SLC7A13: variants seen among roughly 807,000 people sequenced by gnomAD.
SLC7A13 encodes the protein X-amino acid transporter 2.
A neutral mutation model predicts 32.0 loss-of-function variants in SLC7A13; 31 were observed. That is an observed-to-expected ratio of 0.97 (90% confidence interval 0.73 to 1.31). SLC7A13 has a LOEUF of 1.31. Among genes scored for constraint, SLC7A13 ranks in the 50% most tolerant of loss-of-function variants. SLC7A13 has a pLI of 0.00. For missense variants in SLC7A13, 633 were observed against 546.9 expected (o/e 1.16, Z -1.57); for synonymous variants, 232 against 206.9 (o/e 1.12, Z -1.04).
rs1820330236 is a variant in SLC7A13, at chr8:86,223,014, A to G, written c.775T>C (p.Ser259Pro). The change falls in exon 2 of 4, where the codon TCC becomes CCC. Residue 259 changes from serine (S) to proline (P), a missense_variant. Transcript: ENST00000297524. ...CTGGGTGTCAGAACAGTCAGATAGG[A>G]AATGTTAACCAGTAAATAAACTACA... The part of the protein sequence containing the change: ...VTVVYLLVNI[S>P]YLTVLTPREI... 6.2e-7 allele frequency: 1 copy of G among 1,609,084 alleles called. No individual in the cohort carries two copies. Among genetic ancestry groups the G allele is most frequent in the Admixed American group, 1.7e-5 (1 of 59,330 alleles).
At position 86,230,173 on chromosome 8, in the gene SLC7A13, G is replaced by A. The variant is rs1820460871; in HGVS notation, c.105C>T (p.Pro35=). Residue 35 remains proline, a synonymous_variant, in exon 1 of 4, where the codon CCC becomes CCT. Coordinates refer to ENST00000297524, the MANE Select transcript of SLC7A13 (RefSeq NM_138817.3). ...NIIGAGIFVS[P]KGVLAYSCMN... Reference sequence around the variant, plus strand: ...TGCAAGAGTATGCCAACACACCTTTGGGGGACACAAAAATTCCTGCACCAA... The same window carrying A: ...TGCAAGAGTATGCCAACACACCTTTAGGGGACACAAAAATTCCTGCACCAA... 6.2e-7 allele frequency: 1 copy of A among 1,613,908 alleles called. No individual in the cohort carries two copies. The highest frequency in any genetic ancestry group is 1.3e-5 in the African/African-American group (1 of 74,882).
At chr8:86,227,553 G>T (rs1187535415) in intron 1 of SLC7A13, among the ~76,000 whole-genome samples, 6 of 152,138 alleles carry the variant, frequency 3.9e-5, no homozygotes, top group Non-Finnish European at 7.4e-5. Flanking sequence ...ACAAAAAACA[G>T]AACTACCATT....
intron 1 of SLC7A13, among the ~76,000 whole-genome samples, chr8:86,227,201 A>G (rs1170849031): frequency 6.6e-6 from 1 of 152,222 alleles, no homozygotes; most frequent in East Asian, 1.9e-4. Flanking sequence ...GATAGTGGCT[A>G]CTCAAATGAT....
At chr8:86,221,758 G>A (rs1046542181) in intron 2 of SLC7A13, among the ~76,000 whole-genome samples, 1 of 152,100 alleles carries the variant, frequency 6.6e-6, no homozygotes, top group African/African-American at 2.4e-5. Context: ...AAATCATTGT[G>A]CCATCTACAA....
intron 1 of SLC7A13, among the ~76,000 whole-genome samples, chr8:86,226,854 T>C (rs1238986999): frequency 2.0e-5 from 3 of 152,210 alleles, no homozygotes; most frequent in African/African-American, 4.8e-5. Context: ...TTTTGTGGAT[T>C]CAATTCAAAT....
intron 1 of SLC7A13, among the ~76,000 whole-genome samples, chr8:86,228,949 G>C (rs1820437947): frequency 6.6e-6 from 1 of 151,878 alleles, no homozygotes; most frequent in African/African-American, 2.4e-5. Context: ...TCAAAGCATT[G>C]GGATTATAGG....
chr8:86,229,557 C>G, intron 1 of SLC7A13, 36 bp downstream of exon 1: 1 of 1,519,972 alleles, frequency 6.6e-7, no homozygotes, highest in Non-Finnish European at 8.9e-7. Flanking sequence ...TGCAATAAGT[C>G]ATGATTTTAG....
intron 2 of SLC7A13, among the ~76,000 whole-genome samples, chr8:86,221,271 A>G (rs552026857): frequency 1.2e-4 from 18 of 152,156 alleles, no homozygotes; most frequent in African/African-American, 4.1e-4. Flanking sequence ...GTTCTATTAT[A>G]TAGATTTCCC....
intron 1 of SLC7A13, among the ~76,000 whole-genome samples, chr8:86,225,038 T>A (rs905508683): frequency 1.3e-5 from 2 of 152,140 alleles, no homozygotes; most frequent in Admixed American, 1.3e-4. Flanking sequence ...GCTTCCCTAT[T>A]TTTTGTTGCT....
In SLC7A13 at chr8:86,229,697, T is replaced by C. The variant is rs762567364; in HGVS notation, c.581A>G (p.Gln194Arg). The change falls in exon 1 of 4, where the codon CAG (glutamine) becomes CGG (arginine). Residue 194 changes from glutamine to arginine, a missense_variant. Gln to Arg is a conservative substitution (Grantham distance 43). Coordinates refer to ENST00000297524, the MANE Select transcript of SLC7A13 (RefSeq NM_138817.3). ...TGGAAGTTCAGCATCAAAAGCATTC[T>C]GAAATCGTTCTACATTCTCCTTTTT... ...RGKKENVERF[Q>R]NAFDAELPDI... The C allele has an allele frequency of 8.1e-6, 13 of 1,614,096 alleles. 1 individual carries two copies. The South Asian group carries it at 1.4e-4, about 18-fold the overall frequency.
intron 3 of SLC7A13, chr8:86,215,738 C>G (rs1320027018): frequency 4.9e-6 from 2 of 406,664 alleles, no homozygotes; most frequent in Non-Finnish European, 9.6e-6. Context: ...GCTTATAAAG[C>G]GTCCCAGAAA....
intron 1 of SLC7A13, among the ~76,000 whole-genome samples, chr8:86,225,461 A>G (rs956140290): frequency 1.5e-4 from 23 of 152,164 alleles, no homozygotes; most frequent in African/African-American, 5.3e-4. Flanking sequence ...CTTTGGGACA[A>G]ACAAAAGGGC....
intron 3 of SLC7A13, among the ~76,000 whole-genome samples, chr8:86,216,980 T>C (rs958469358): frequency 6.6e-6 from 1 of 152,220 alleles, no homozygotes; most frequent in Non-Finnish European, 1.5e-5. Context: ...TTGTCTCCTC[T>C]CCTGTGAAAA....
rs780851308 is a variant in SLC7A13 at position 86,217,775 on chromosome 8, G to T, written c.874C>A (p.Pro292Thr). The part of the protein sequence containing the change: ...RAFPSLAWIM[P>T]FAISTSLFSN... ...AATAATGAGGTAGAAATAGCAAAAGGCATAATCCATGCTAATGAGGGAAAA... is the reference window on the plus strand; with the variant it reads ...AATAATGAGGTAGAAATAGCAAAAGTCATAATCCATGCTAATGAGGGAAAA... Residue 292 changes from proline to threonine, a missense_variant, in exon 3 of 4, where the codon CCT (proline) becomes ACT (threonine). Coordinates refer to ENST00000297524, the MANE Select transcript of SLC7A13 (RefSeq NM_138817.3). 1.1e-5 allele frequency: 17 copies of T among 1,611,560 alleles called. No individual in the cohort carries two copies. The Admixed American group carries it at 1.8e-4, about 17-fold the overall frequency.
chr8:86,226,212 G>C (rs143999438), intron 1 of SLC7A13, among the ~76,000 whole-genome samples: 2 of 152,114 alleles, frequency 1.3e-5, no homozygotes, highest in African/African-American at 4.8e-5. Flanking sequence ...CAATGAAACT[G>C]GCTCAAATAA....
chr8:86,226,602 G>A (rs2129805911), intron 1 of SLC7A13, among the ~76,000 whole-genome samples: 2 of 152,220 alleles, frequency 1.3e-5, no homozygotes, highest in Middle Eastern at 6.8e-3. Flanking sequence ...AGTTGGCATT[G>A]TCCAGTCATC....
intron 2 of SLC7A13, among the ~76,000 whole-genome samples, chr8:86,218,428 A>T (rs565388539): frequency 2.6e-5 from 4 of 152,288 alleles, no homozygotes; most frequent in African/African-American, 9.6e-5. Context: ...GTAATTCTCA[A>T]TTGGAGTTAA....
intron 2 of SLC7A13, among the ~76,000 whole-genome samples, chr8:86,219,768 T>C (rs1820256826): frequency 6.6e-6 from 1 of 152,226 alleles, no homozygotes; most frequent in Admixed American, 6.6e-5. Flanking sequence ...TGCGTTTATC[T>C]ACCCATTTCA....
intron 2 of SLC7A13, among the ~76,000 whole-genome samples, chr8:86,219,033 A>AT (rs962419797): frequency 7.2e-5 from 11 of 152,158 alleles, no homozygotes; most frequent in Non-Finnish European, 1.3e-4. Context: ...AAAGATATTT[A>AT]TTTTTTGTAA....
Sources: allele counts gnomAD v4.1 joint callset (sites outside exome capture counted in the v4.1 genomes callset), GRCh38; gene constraint gnomAD v4.1.1; transcripts MANE v1.5; gene names NCBI Gene and HGNC (gene_info 2026-07-23, HGNC 2026-07-21).